NFILZ: variants seen among roughly 807,000 people sequenced by gnomAD.
The protein encoded by NFILZ is NFIL3 like protein.
In NFILZ at chr19:8,635,309, CA is replaced by C. The variant is rs1183750509; in HGVS notation, c.-260-328del. Among the ~76,000 whole-genome samples the C allele has an allele frequency of 6.3e-3, 412 of 65,720 alleles. 1 individual carries two copies. Among genetic ancestry groups the C allele is most frequent in the African/African-American group, 0.018 (328 of 17,844 alleles). The allele number at this position is 65,720 out of a possible 152,430, so 43.1% of individuals were successfully genotyped here. ...TGGGCAACAGAGCAAGACTCCATCT[CA>C]AAAAAAAAAAAATTAAAAAAAAAAA... On this transcript the variant is annotated intron_variant, in intron 2 of 5. Transcript: ENST00000691075.
intron 3 of NFILZ, among the ~76,000 whole-genome samples, chr19:8,645,387 GC>G (rs2042935047): frequency 6.7e-6 from 1 of 149,210 alleles, no homozygotes; most frequent in Non-Finnish European, 1.5e-5. Flanking sequence ...TAATCCTCCT[GC>G]CTAGGCCTCC....
At chr19:8,647,778 TGC>T (rs147345694) in intron 3 of NFILZ, among the ~76,000 whole-genome samples, 6,736 of 106,254 alleles carry the variant, frequency 0.063, 251 homozygotes, top group Admixed American at 0.081. Flanking sequence ...CACGCACACA[TGC>T]GCGCGCGCGC....
chr19:8,633,877 CCCTTCCTTCCTTCCTTCCTTCCTTCCTT>C (rs782201553), intron 2 of NFILZ, among the ~76,000 whole-genome samples: 7 of 84,520 alleles, frequency 8.3e-5, no homozygotes, highest in Admixed American at 2.3e-4. Flanking sequence ...TAACTTTTCT[CCCTTCCTTCCTTCCTTCCTTCCTTCCTT>C]CCTTCCTTCC....
At chr19:8,663,707 GGTGT>G (rs142651427) in intron 3 of NFILZ, among the ~76,000 whole-genome samples, 2 of 50,116 alleles carry the variant, frequency 4.0e-5, no homozygotes, top group African/African-American at 2.3e-4. Context: ...AACAAGGTGT[GGTGT>G]GTGTGTGTGT....
At chr19:8,665,907 C>T (rs545928867) in intron 3 of NFILZ, among the ~76,000 whole-genome samples, 2 of 152,310 alleles carry the variant, frequency 1.3e-5, no homozygotes, top group African/African-American at 4.8e-5. Context: ...CTTACACTCG[C>T]TGGAGAGTTT....
intron 3 of NFILZ, among the ~76,000 whole-genome samples, chr19:8,664,110 C>T (rs1394185410): frequency 1.3e-5 from 2 of 152,146 alleles, no homozygotes; most frequent in Non-Finnish European, 2.9e-5. Context: ...CATAACAGCC[C>T]TGACGTCACA....
chr19:8,660,551 C>CTT lies in NFILZ; in HGVS notation c.-163-13999_-163-13998insTT, dbSNP rs1555748970. 2.1e-4 allele frequency among the ~76,000 whole-genome samples: 31 copies of CTT among 148,642 alleles called. 1 individual carries two copies. Among genetic ancestry groups the CTT allele is most frequent in the African/African-American group, 7.8e-4 (31 of 39,802 alleles). Reference sequence around the variant, plus strand: ...CATTTCCTTCCTTCCTTCTTTCCTTCTCTCCTTCCTTCCTTCCTCCCCTCC... The same window carrying CTT: ...CATTTCCTTCCTTCCTTCTTTCCTTCTTTCTCCTTCCTTCCTTCCTCCCCTCC... On this transcript the variant is annotated intron_variant, in intron 3 of 5. Coordinates refer to ENST00000691075, the MANE Select transcript of NFILZ (RefSeq NM_001378600.1).
rs2043130214 is a variant in NFILZ, at chr19:8,678,584, C to T, written c.*949C>T. Among the ~76,000 whole-genome samples, 1 of 151,628 alleles carries T rather than the reference C, an allele frequency of 6.6e-6. No individual in the cohort carries two copies. The highest frequency in any genetic ancestry group is 1.5e-5 in the Non-Finnish European group (1 of 67,868). Reference sequence around the variant, plus strand: ...CCATCCTCATCCATTCCCATTCATCCATCCATCCTGTCTTCCTTCCTTGCA... The same window carrying T: ...CCATCCTCATCCATTCCCATTCATCTATCCATCCTGTCTTCCTTCCTTGCA... On this transcript the variant is annotated 3_prime_UTR_variant, in exon 6 of 6. Transcript: ENST00000691075.
chr19:8,632,158 C>T (rs8102792), intron 1 of NFILZ, among the ~76,000 whole-genome samples: 38,833 of 151,648 alleles, frequency 0.26, 5,197 homozygotes, highest in Middle Eastern at 0.37. Flanking sequence ...CGTGAGCCAC[C>T]GCGCCCGGCC....
chr19:8,667,250 G>T (rs1202780653), intron 3 of NFILZ, among the ~76,000 whole-genome samples: 1 of 152,204 alleles, frequency 6.6e-6, no homozygotes, highest in Non-Finnish European at 1.5e-5. Context: ...CAGTTCCTGA[G>T]TTAGACCTCG....
In NFILZ at chr19:8,674,610, A is replaced by G. The variant is rs782502109; in HGVS notation, c.-114+10A>G. 2.0e-5 allele frequency among the ~76,000 whole-genome samples: 3 copies of G among 151,098 alleles called. No individual in the cohort carries two copies. The highest frequency in any genetic ancestry group is 4.4e-5 in the Non-Finnish European group (3 of 67,914). ...TCCTATAAGGAATAAGGTATGCAATATTTCTCAAACATTTTTGTATTCTTT... is the reference window on the plus strand; with the variant it reads ...TCCTATAAGGAATAAGGTATGCAATGTTTCTCAAACATTTTTGTATTCTTT... On this transcript the variant is annotated intron_variant, in intron 4 of 5. Transcript: ENST00000691075.
intron 3 of NFILZ, among the ~76,000 whole-genome samples, chr19:8,647,986 C>A (rs1450912316): frequency 6.6e-6 from 1 of 151,526 alleles, no homozygotes; most frequent in African/African-American, 2.4e-5. Flanking sequence ...TCCTGGCTAA[C>A]ACGGTGAAAC....
intron 3 of NFILZ, among the ~76,000 whole-genome samples, chr19:8,667,633 C>T (rs959010893): frequency 6.6e-6 from 1 of 151,994 alleles, no homozygotes; most frequent in Non-Finnish European, 1.5e-5. Context: ...CTGCAACCTC[C>T]GCCTCTCGGG....
intron 3 of NFILZ, among the ~76,000 whole-genome samples, chr19:8,638,900 G>A (rs1310637832): frequency 1.3e-5 from 2 of 149,992 alleles, no homozygotes; most frequent in Admixed American, 1.3e-4. Context: ...CTGGAGTGCA[G>A]TGGCACAATC....
chr19:8,660,281 A>G (rs1365307615), intron 3 of NFILZ, among the ~76,000 whole-genome samples: 1 of 151,988 alleles, frequency 6.6e-6, no homozygotes, highest in East Asian at 1.9e-4. Flanking sequence ...CATTGTTTAC[A>G]TTCCTTCATT....
intron 3 of NFILZ, among the ~76,000 whole-genome samples, chr19:8,667,872 C>T (rs782773122): frequency 2.6e-5 from 4 of 152,088 alleles, no homozygotes; most frequent in Non-Finnish European, 4.4e-5. Flanking sequence ...ATCATCTCTA[C>T]ATTACTTATG....
chr19:8,631,032 G>C (rs1303797313), intron 1 of NFILZ, among the ~76,000 whole-genome samples: 2 of 152,178 alleles, frequency 1.3e-5, no homozygotes, highest in African/African-American at 2.4e-5. Flanking sequence ...GATCTTTTCA[G>C]AGCCTTTAAT....
chr19:8,649,901 G>T (rs1255643211), intron 3 of NFILZ, among the ~76,000 whole-genome samples: 1 of 151,838 alleles, frequency 6.6e-6, no homozygotes. Context: ...GATCACCTGA[G>T]GTCAGGAGTT....
intron 3 of NFILZ, among the ~76,000 whole-genome samples, chr19:8,662,047 T>C (rs2043033974): frequency 6.7e-6 from 1 of 150,306 alleles, no homozygotes; most frequent in South Asian, 2.1e-4. Context: ...AAAATAAAAA[T>C]AAAAAAAACT....
Sources: allele counts gnomAD v4.1 joint callset (sites outside exome capture counted in the v4.1 genomes callset), GRCh38; gene constraint gnomAD v4.1.1; transcripts MANE v1.5; gene names NCBI Gene and HGNC (gene_info 2026-07-23, HGNC 2026-07-21).